PITPNM2: variants seen among roughly 807,000 people sequenced by gnomAD.
PITPNM2 encodes membrane-associated phosphatidylinositol transfer protein 2.
A neutral mutation model predicts 132.2 loss-of-function variants in PITPNM2; 35 were observed. The observed-to-expected ratio is 0.26, with a 90% CI of 0.20 to 0.35. The LOEUF is 0.35. Among genes scored for constraint, PITPNM2 ranks in the 10% least tolerant of loss-of-function variants. The pLI, the probability that PITPNM2 is intolerant of heterozygous loss-of-function variation, is 1.00. For synonymous variants in PITPNM2, 738 were observed against 799.2 expected (o/e 0.92, Z 1.29); for missense variants, 1,332 against 1,912.0 (o/e 0.70, Z 5.66).
chr12:123,011,499 C>T (rs2039202031), intron 5 of PITPNM2, among the ~76,000 whole-genome samples: 1 of 152,204 alleles, frequency 6.6e-6, no homozygotes, highest in Non-Finnish European at 1.5e-5. Flanking sequence ...GAGCTATGTA[C>T]ACCCCAACCC....
rs768052612 is a variant in PITPNM2, at chr12:122,992,589, G to A, written c.2314C>T (p.Leu772=). ...AGGGCGTGAAAGCGCCGTTCCAGCA[G>A]CGGCTCCAGGCGTGAAGCTGACGGG... The part of the protein sequence containing the change: ...ADPSASRLEP[L]LERRFHALPP... The change falls in exon 16 of 26, where the codon CTG becomes TTG. Residue 772 remains leucine (L), a synonymous_variant. Coordinates refer to ENST00000320201, the MANE Select transcript of PITPNM2 (RefSeq NM_020845.3). The surrounding 1 kb of genome is among the most constrained non-coding windows in gnomAD (Gnocchi z 6.5). The A allele has an allele frequency of 6.2e-7, 1 of 1,611,342 alleles. No homozygotes were observed. The highest frequency in any genetic ancestry group is 2.2e-5 in the East Asian group (1 of 44,748).
chr12:123,120,577 G>A (rs1471550950), intron 1 of PITPNM2, among the ~76,000 whole-genome samples: 1 of 152,232 alleles, frequency 6.6e-6, no homozygotes, highest in Non-Finnish European at 1.5e-5. Context: ...GCCAGTGAGA[G>A]TGAGCTCACA....
chr12:123,051,909 CTT>C (rs59131741), intron 2 of PITPNM2, among the ~76,000 whole-genome samples: 3 of 143,594 alleles, frequency 2.1e-5, no homozygotes, highest in African/African-American at 2.6e-5. Flanking sequence ...CCATTCTATT[CTT>C]TTTTTTTTTT....
chr12:123,004,985 C>T lies in PITPNM2; in HGVS notation c.952+255G>A, dbSNP rs2136193716. On this transcript the variant is annotated intron_variant, in intron 7 of 25. Coordinates refer to ENST00000320201, the MANE Select transcript of PITPNM2 (RefSeq NM_020845.3). This position sits in a 1 kb window ranked among gnomAD's most constrained non-coding sequence, Gnocchi z 4.9. ...TGGCCCCTCCACCGCGCTGCAGGAG[C>T]CCAGCCACCTCCACTGCTCCTATGG... Among the ~76,000 whole-genome samples the T allele has an allele frequency of 6.6e-6, 1 of 152,264 alleles. No homozygotes were observed. The highest frequency in any genetic ancestry group is 1.5e-5 in the Non-Finnish European group (1 of 67,992).
At chr12:123,060,314 T>G (rs1034023919) in intron 2 of PITPNM2, among the ~76,000 whole-genome samples, 2 of 152,236 alleles carry the variant, frequency 1.3e-5, no homozygotes, top group African/African-American at 2.4e-5. Context: ...GCTGGTGAAC[T>G]GACACCCTCA....
chr12:123,139,010 C>T (rs1310112441), intron 1 of PITPNM2, among the ~76,000 whole-genome samples: 2 of 151,556 alleles, frequency 1.3e-5, no homozygotes, highest in Non-Finnish European at 2.9e-5. Flanking sequence ...CTGTGATGCA[C>T]GCCTGTAGTC....
rs536989465 is a variant in PITPNM2, at chr12:123,095,738, C to T, written c.-96+14647G>A. 2.0e-5 allele frequency among the ~76,000 whole-genome samples: 3 copies of T among 152,334 alleles called. No homozygotes were observed. Among genetic ancestry groups the T allele is most frequent in the Admixed American group, 1.3e-4 (2 of 15,308 alleles). The stretch of plus-strand genomic sequence containing the variant: ...GGAGCCCATGGGGCTCCTCCTGCCT[C>T]GGGGCCATTGTGAAGGCGGTTCCCT... On this transcript the variant is annotated intron_variant, in intron 2 of 25. Coordinates refer to ENST00000320201, the MANE Select transcript of PITPNM2 (RefSeq NM_020845.3). This position sits in a 1 kb window ranked among gnomAD's most constrained non-coding sequence, Gnocchi z 5.0.
chr12:123,126,892 A>C (rs2137501388), intron 1 of PITPNM2, among the ~76,000 whole-genome samples: 1 of 152,382 alleles, frequency 6.6e-6, no homozygotes, highest in South Asian at 2.1e-4. Flanking sequence ...GCAGTGATGA[A>C]GCAGTGTCTG....
intron 2 of PITPNM2, among the ~76,000 whole-genome samples, chr12:123,109,186 C>T (rs2042784050): frequency 6.6e-6 from 1 of 152,198 alleles, no homozygotes; most frequent in African/African-American, 2.4e-5. Flanking sequence ...CATCCATCCT[C>T]CGTGCCTCCA....
Position 122,995,579 on chromosome 12 carries a change from C to T in PITPNM2, c.1864G>A (p.Gly622Ser). The T allele has an allele frequency of 6.3e-7, 1 of 1,580,806 alleles. No homozygotes were observed. The highest frequency in any genetic ancestry group is 8.5e-7 in the Non-Finnish European group (1 of 1,177,740). The change falls in exon 14 of 26, where the codon GGC (glycine) becomes AGC (serine). Residue 622 changes from glycine to serine, a missense_variant. Coordinates refer to ENST00000320201, the MANE Select transcript of PITPNM2 (RefSeq NM_020845.3). Reference protein sequence around the residue: ...GGGGGGGGGGGSSGGGGSSGG... With the variant: ...GGGGGGGGGGSSSGGGGSSGG... ...CTACTGCCACCACCACCACTGCTGC[C>T]ACCACCGCCACCGCCGCCACCGCCA...
intron 2 of PITPNM2, among the ~76,000 whole-genome samples, chr12:123,100,048 G>A (rs547172326): frequency 3.3e-4 from 51 of 152,330 alleles, no homozygotes; most frequent in Non-Finnish European, 6.0e-4. Context: ...ATGACCATAT[G>A]CAGTAAGGAC....
chr12:123,047,088 C>T (rs971334349), intron 2 of PITPNM2, among the ~76,000 whole-genome samples: 1 of 152,258 alleles, frequency 6.6e-6, no homozygotes, highest in East Asian at 1.9e-4. Context: ...AACAATGCTC[C>T]CATTTTTGGA....
chr12:123,004,670 C>T lies in PITPNM2; in HGVS notation c.953-181G>A, dbSNP rs1200622282. On this transcript the variant is annotated intron_variant, in intron 7 of 25. Transcript: ENST00000320201. This position sits in a 1 kb window ranked among gnomAD's most constrained non-coding sequence, Gnocchi z 4.9. ...GTAAATGAGTGGGGAGCGGCCTAGG[C>T]TCATCTCCTGTCCGCCTGGCACAAG... The T allele has an allele frequency of 3.2e-6, 2 of 631,162 alleles. No homozygotes were observed. Among genetic ancestry groups the T allele is most frequent in the East Asian group, 5.5e-5 (2 of 36,504 alleles). 39.1% of individuals were successfully genotyped at this position (631,162 alleles called of 1,614,324 possible). A position where few individuals can be genotyped will look rare whatever the true frequency, so the allele number is the denominator to read the frequency against.
intron 2 of PITPNM2, among the ~76,000 whole-genome samples, chr12:123,109,094 C>A (rs1012418116): frequency 6.6e-6 from 1 of 152,192 alleles, no homozygotes; most frequent in Non-Finnish European, 1.5e-5. Flanking sequence ...TGGGACTTAG[C>A]CCCATGCAGC....
intron 10 of PITPNM2, among the ~76,000 whole-genome samples, chr12:122,998,849 G>A (rs919125452): frequency 1.1e-4 from 17 of 152,204 alleles, no homozygotes; most frequent in Non-Finnish European, 2.1e-4. Flanking sequence ...GCAGTGGCTC[G>A]AGCCTGTAAT....
At chr12:123,080,128 A>G (rs1170393259) in intron 2 of PITPNM2, among the ~76,000 whole-genome samples, 2 of 152,166 alleles carry the variant, frequency 1.3e-5, no homozygotes, top group African/African-American at 4.8e-5. Flanking sequence ...TGATTGAATC[A>G]TATCCCAGTA....
chr12:122,987,948 C>T (rs1453080402), intron 20 of PITPNM2, 47 bp from the exon 21 acceptor site: 12 of 1,529,864 alleles, frequency 7.8e-6, no homozygotes, highest in Admixed American at 3.5e-5. Flanking sequence ...GAGGGCACCC[C>T]GGGTCCCTGT....
At chr12:123,096,336 G>A (rs2042410277) in intron 2 of PITPNM2, among the ~76,000 whole-genome samples, 2 of 152,172 alleles carry the variant, frequency 1.3e-5, no homozygotes, top group South Asian at 2.1e-4. Context: ...GAATGGGCTC[G>A]CGGGAAGCCA....
At chr12:123,051,053 AG>A (rs2040839941) in intron 2 of PITPNM2, among the ~76,000 whole-genome samples, 1 of 152,200 alleles carries the variant, frequency 6.6e-6, no homozygotes, top group South Asian at 2.1e-4. Context: ...CCCTTGAGTT[AG>A]GAAGTGCAGG....
Sources: allele counts gnomAD v4.1 joint callset (sites outside exome capture counted in the v4.1 genomes callset), GRCh38; gene constraint gnomAD v4.1.1; non-coding constraint Gnocchi (gnomAD v3.1); transcripts MANE v1.5; gene names NCBI Gene and HGNC (gene_info 2026-07-23, HGNC 2026-07-21).